KLHL1: variants seen among roughly 807,000 people sequenced by gnomAD.
The protein encoded by KLHL1 is kelch like family member 1.
Under a neutral mutation model 77.7 loss-of-function variants are expected in KLHL1, and 47 were observed. That is an observed-to-expected ratio of 0.60 (90% CI 0.48 to 0.77). The LOEUF (loss-of-function observed/expected upper bound fraction) is 0.77, where lower values mean the gene tolerates loss of function less well. Ranked by LOEUF, KLHL1 falls within the 30% of genes least tolerant of loss-of-function variation. The pLI is 0.00. For missense variants in KLHL1, 925 were observed against 910.8 expected, an observed-to-expected ratio of 1.02 and a Z score of -0.20; for synonymous variants, 360 against 325.2, an observed-to-expected ratio of 1.11 and a Z score of -1.15.
chr13:69,800,296 C>T (rs1877317538), intron 6 of KLHL1, among the ~76,000 whole-genome samples: 1 of 152,098 alleles, frequency 6.6e-6, no homozygotes, highest in South Asian at 2.1e-4. Context: ...CAAGCTTTAT[C>T]CCACTCTTTC....
At chr13:69,733,703 T>C (rs1012151309) in intron 8 of KLHL1, among the ~76,000 whole-genome samples, 2 of 152,178 alleles carry the variant, frequency 1.3e-5, no homozygotes, top group South Asian at 2.1e-4. Flanking sequence ...ACCAAGTCAG[T>C]AGGGCACATG....
intron 6 of KLHL1, among the ~76,000 whole-genome samples, chr13:69,820,386 G>A (rs1470792883): frequency 1.3e-5 from 2 of 152,092 alleles, no homozygotes; most frequent in African/African-American, 2.4e-5. Flanking sequence ...GCACATCACC[G>A]TAAATAACTC....
At chr13:69,877,482 T>G (rs1305183794) in intron 5 of KLHL1, among the ~76,000 whole-genome samples, 1 of 151,948 alleles carries the variant, frequency 6.6e-6, no homozygotes, top group Non-Finnish European at 1.5e-5. Flanking sequence ...TATTTTTTTT[T>G]CAGTCATTCT....
At chr13:69,991,966 G>A (rs1885039712) in intron 1 of KLHL1, among the ~76,000 whole-genome samples, 1 of 151,808 alleles carries the variant, frequency 6.6e-6, no homozygotes, top group Admixed American at 6.6e-5. Flanking sequence ...TTGAAGTGTT[G>A]TCCCTGAACA....
At chr13:69,861,713 T>C (rs1461647527) in intron 5 of KLHL1, among the ~76,000 whole-genome samples, 1 of 144,934 alleles carries the variant, frequency 6.9e-6, no homozygotes, top group Non-Finnish European at 1.5e-5. Flanking sequence ...ACTTTGGGAG[T>C]GTTCAGGGTG....
chr13:69,945,146 C>A (rs1355464819), intron 3 of KLHL1, among the ~76,000 whole-genome samples: 1 of 151,604 alleles, frequency 6.6e-6, no homozygotes, highest in East Asian at 1.9e-4. Context: ...CCACCACGCC[C>A]AGCTAATTTT....
rs149900403 is a variant in KLHL1, at chr13:69,841,094, G to A, written c.1228-1932C>T. On this transcript the variant is annotated intron_variant, in intron 5 of 10. Transcript: ENST00000377844. ...TACTATTCTTTCATTTGGAACACACGTTAGGAATAGCTTAACTAGATAAAT... is the reference window on the plus strand; with the variant it reads ...TACTATTCTTTCATTTGGAACACACATTAGGAATAGCTTAACTAGATAAAT... Among the ~76,000 whole-genome samples, 788 of 151,858 alleles carry A rather than the reference G, an allele frequency of 5.2e-3. 10 individuals are homozygous for A. Among genetic ancestry groups the A allele is most frequent in the African/African-American group, 0.017 (716 of 41,458 alleles).
intron 6 of KLHL1, among the ~76,000 whole-genome samples, chr13:69,821,063 A>G (rs1007906648): frequency 5.9e-5 from 9 of 152,328 alleles, no homozygotes; most frequent in Admixed American, 5.9e-4. Context: ...AACCCAATGA[A>G]AGTTTATGAA....
chr13:69,946,899 G>T (rs917840010), intron 3 of KLHL1, among the ~76,000 whole-genome samples: 3 of 149,740 alleles, frequency 2.0e-5, no homozygotes, highest in Non-Finnish European at 4.4e-5. Flanking sequence ...TGGTACAAAA[G>T]TAATTGTGGG....
At chr13:69,749,088 G>C (rs1874354383) in intron 7 of KLHL1, among the ~76,000 whole-genome samples, 1 of 151,938 alleles carries the variant, frequency 6.6e-6, no homozygotes, top group African/African-American at 2.4e-5. Context: ...GCCTTATTAT[G>C]TGATTCTCAT....
intron 5 of KLHL1, among the ~76,000 whole-genome samples, chr13:69,855,344 A>G (rs1191970198): frequency 1.5e-5 from 1 of 66,820 alleles, no homozygotes; most frequent in African/African-American, 8.9e-5. Context: ...AGATAGATAG[A>G]TAGACAGACA....
At chr13:69,714,293 A>T (rs1323543924) in intron 9 of KLHL1, among the ~76,000 whole-genome samples, 1 of 152,162 alleles carries the variant, frequency 6.6e-6, no homozygotes, top group Non-Finnish European at 1.5e-5. Flanking sequence ...AGGAGAAATG[A>T]GTTGTTGACA....
At chr13:69,998,464 A>T (rs1488010665) in intron 1 of KLHL1, among the ~76,000 whole-genome samples, 1 of 152,064 alleles carries the variant, frequency 6.6e-6, no homozygotes, top group Non-Finnish European at 1.5e-5. Flanking sequence ...CCATTAACTG[A>T]CTATGGCTCA....
At chr13:69,762,749 T>G (rs73210485) in intron 7 of KLHL1, among the ~76,000 whole-genome samples, 35,284 of 149,682 alleles carry the variant, frequency 0.24, 4,215 homozygotes, top group South Asian at 0.3. Flanking sequence ...ATCATGAGAC[T>G]CTTACCTCAA....
intron 4 of KLHL1, among the ~76,000 whole-genome samples, chr13:69,901,812 T>C (rs1483645133): frequency 2.4e-4 from 28 of 116,180 alleles, no homozygotes; most frequent in Non-Finnish European, 3.8e-4. Context: ...TTTTTTTTTT[T>C]CTGAGACGGA....
At chr13:69,933,043 T>G (rs1376308919) in intron 4 of KLHL1, among the ~76,000 whole-genome samples, 2 of 151,994 alleles carry the variant, frequency 1.3e-5, no homozygotes, top group African/African-American at 4.8e-5. Context: ...CCTGCCACAT[T>G]TTTACTTAGT....
intron 1 of KLHL1, among the ~76,000 whole-genome samples, chr13:70,055,620 G>A (rs150665520): frequency 2.1e-3 from 315 of 152,132 alleles, no homozygotes; most frequent in African/African-American, 7.2e-3. Flanking sequence ...TTAAGACATA[G>A]GTAGAATAAT....
intron 7 of KLHL1, among the ~76,000 whole-genome samples, chr13:69,790,677 A>C (rs1876829202): frequency 6.6e-6 from 1 of 152,214 alleles, no homozygotes. Context: ...TCTACTAATT[A>C]ATTGAAAAAA....
intron 1 of KLHL1, among the ~76,000 whole-genome samples, chr13:70,021,073 C>A (rs1314073489): frequency 6.6e-6 from 1 of 152,076 alleles, no homozygotes; most frequent in Non-Finnish European, 1.5e-5. Context: ...GACTCACTCT[C>A]AGTGTTGTCC....
Sources: allele counts gnomAD v4.1 joint callset (sites outside exome capture counted in the v4.1 genomes callset), GRCh38; gene constraint gnomAD v4.1.1; transcripts MANE v1.5; gene names NCBI Gene and HGNC (gene_info 2026-07-23, HGNC 2026-07-21).